The following NDUFAF2 variants were observed in gnomAD, a reference collection of about 807,000 sequenced individuals.
The protein encoded by NDUFAF2 is NADH:ubiquinone oxidoreductase complex assembly factor 2.
In NDUFAF2, 13 loss-of-function variants were observed where a neutral mutation model predicts 22.8. That is an observed-to-expected ratio of 0.57 (90% CI 0.37 to 0.91). The LOEUF is 0.91. Ranked by LOEUF, NDUFAF2 falls within the 40% of genes least tolerant of loss-of-function variation. The pLI, the probability that NDUFAF2 is intolerant of heterozygous loss-of-function variation, is 0.01. For missense variants in NDUFAF2, 162 were observed against 195.2 expected (o/e 0.83, Z 1.01); for synonymous variants, 53 against 64.2 (o/e 0.83, Z 0.84).
At chr5:61,151,834 C>G (rs530255110) in intron 3 of NDUFAF2, among the ~76,000 whole-genome samples, 1 of 152,066 alleles carries the variant, frequency 6.6e-6, no homozygotes, top group African/African-American at 2.4e-5. Flanking sequence ...ACAACAACAA[C>G]AAAACACAGA....
At chr5:61,040,282 A>ACGCGCGCG (rs1263125156) in intron 1 of NDUFAF2, among the ~76,000 whole-genome samples, 2 of 84,054 alleles carry the variant, frequency 2.4e-5, no homozygotes, top group African/African-American at 4.6e-5. Context: ...ACACACACAC[A>ACGCGCGCG]CACACGCGCG....
In NDUFAF2 at chr5:61,095,789, G is replaced by C. The variant is rs536144422; in HGVS notation, c.218-3203G>C. 1.2e-3 allele frequency among the ~76,000 whole-genome samples: 189 copies of C among 152,296 alleles called. 2 individuals carry two copies. Among genetic ancestry groups the C allele is most frequent in the Middle Eastern group, 3.4e-3 (1 of 294 alleles). ...TTGAATACTCACCACTTCCCTAGGT[G>C]GGGGAGGTTCCCCTGGCTCCATGTC... On this transcript the variant is annotated intron_variant, in intron 2 of 3. Coordinates refer to ENST00000296597, the MANE Select transcript of NDUFAF2 (RefSeq NM_174889.5).
intron 1 of NDUFAF2, among the ~76,000 whole-genome samples, chr5:61,066,008 G>T (rs1438947095): frequency 2.0e-5 from 3 of 151,644 alleles, no homozygotes; most frequent in Non-Finnish European, 4.4e-5. Context: ...AAAGTTACAG[G>T]ATACAAAAAT....
chr5:61,027,907 A>C (rs1293326174), intron 1 of NDUFAF2, among the ~76,000 whole-genome samples: 1 of 151,994 alleles, frequency 6.6e-6, no homozygotes, highest in Non-Finnish European at 1.5e-5. Flanking sequence ...GAATCAACAG[A>C]TATTTATTGA....
At chr5:60,945,467 T>C in intron 1 of NDUFAF2, 85 bp downstream of exon 1, 1 of 1,570,574 alleles carries the variant, frequency 6.4e-7, no homozygotes, top group East Asian at 2.2e-5. Context: ...CCTAGTCAAC[T>C]AACGCATCAT....
chr5:61,061,842 A>C (rs751239113), intron 1 of NDUFAF2, among the ~76,000 whole-genome samples: 6 of 152,176 alleles, frequency 3.9e-5, no homozygotes, highest in Non-Finnish European at 8.8e-5. Flanking sequence ...GATAACAAGA[A>C]TGAGAGGATT....
At chr5:61,151,860 C>T (rs1316801840) in intron 3 of NDUFAF2, among the ~76,000 whole-genome samples, 1 of 152,016 alleles carries the variant, frequency 6.6e-6, no homozygotes, top group Admixed American at 6.6e-5. Flanking sequence ...TGAATAAAGA[C>T]CAAAGATGTA....
At chr5:61,021,284 C>T (rs554714130) in intron 1 of NDUFAF2, among the ~76,000 whole-genome samples, 48 of 151,964 alleles carry the variant, frequency 3.2e-4, no homozygotes, top group African/African-American at 1.1e-3. Context: ...GTTTTTTTCC[C>T]CTGTTCTAGC....
At chr5:61,014,661 T>C (rs888359862) in intron 1 of NDUFAF2, among the ~76,000 whole-genome samples, 8 of 152,190 alleles carry the variant, frequency 5.3e-5, no homozygotes, top group East Asian at 1.9e-4. Context: ...AGTGTCATAA[T>C]TGAATTAAAT....
At chr5:61,103,070 G>A (rs1410580727) in intron 3 of NDUFAF2, among the ~76,000 whole-genome samples, 1 of 152,130 alleles carries the variant, frequency 6.6e-6, no homozygotes, top group Non-Finnish European at 1.5e-5. Context: ...CATATACCCT[G>A]TGATCAAACA....
intron 1 of NDUFAF2, among the ~76,000 whole-genome samples, chr5:61,039,947 T>C (rs1332553348): frequency 6.6e-6 from 1 of 152,170 alleles, no homozygotes; most frequent in Admixed American, 6.5e-5. Flanking sequence ...GATATTCTGT[T>C]AAATCATCTC....
intron 1 of NDUFAF2, among the ~76,000 whole-genome samples, chr5:60,968,839 C>T (rs1416887879): frequency 2.0e-5 from 3 of 151,934 alleles, no homozygotes; most frequent in African/African-American, 7.2e-5. Context: ...TTAACCATCT[C>T]CACTTCCCCA....
At chr5:61,126,693 A>G (rs1440539702) in intron 3 of NDUFAF2, among the ~76,000 whole-genome samples, 1 of 152,096 alleles carries the variant, frequency 6.6e-6, no homozygotes, top group Non-Finnish European at 1.5e-5. Flanking sequence ...AAATACTTAC[A>G]TGTAATAAGT....
intron 1 of NDUFAF2, among the ~76,000 whole-genome samples, chr5:61,058,737 A>G (rs990023564): frequency 1.3e-5 from 2 of 152,056 alleles, no homozygotes; most frequent in African/African-American, 4.8e-5. Context: ...AATATACTTC[A>G]TACATTGTAG....
chr5:61,091,085 C>T (rs576808948), intron 2 of NDUFAF2, among the ~76,000 whole-genome samples: 1 of 152,220 alleles, frequency 6.6e-6, no homozygotes, highest in Non-Finnish European at 1.5e-5. Flanking sequence ...TCCAGTGTAT[C>T]GCTGATGAAC....
chr5:61,018,545 G>A (rs893384791), intron 1 of NDUFAF2, among the ~76,000 whole-genome samples: 41 of 152,012 alleles, frequency 2.7e-4, no homozygotes, highest in African/African-American at 9.2e-4. Flanking sequence ...TTTTATTAAT[G>A]TTTTAATTAA....
chr5:61,001,589 C>T (rs887933787), intron 1 of NDUFAF2, among the ~76,000 whole-genome samples: 2 of 152,062 alleles, frequency 1.3e-5, no homozygotes, highest in Non-Finnish European at 2.9e-5. Context: ...GATTAGAAAT[C>T]ATGTCTCGGA....
intron 3 of NDUFAF2, among the ~76,000 whole-genome samples, chr5:61,112,347 G>A (rs1027380782): frequency 2.0e-5 from 3 of 151,662 alleles, no homozygotes; most frequent in Non-Finnish European, 2.9e-5. Context: ...TCGAGTAGCT[G>A]GGATTGCAGG....
At chr5:61,020,949 C>T (rs1473346978) in intron 1 of NDUFAF2, among the ~76,000 whole-genome samples, 1 of 150,986 alleles carries the variant, frequency 6.6e-6, no homozygotes, top group Non-Finnish European at 1.5e-5. Flanking sequence ...CTGCCTCGGC[C>T]TCCCAGACTG....
Sources: gnomAD v4.1 joint callset for allele counts (sites outside exome capture counted in the v4.1 genomes callset) on GRCh38, gnomAD v4.1.1 for gene constraint, MANE v1.5 for transcripts, NCBI Gene and HGNC (gene_info 2026-07-23, HGNC 2026-07-21) for gene names.